Variants in NUP62 observed in about 807,000 individuals in gnomAD.
The protein encoded by NUP62 is nucleoporin 62, also known as nuclear pore glycoprotein p62.
For missense variants in NUP62, 647 were observed against 689.4 expected, an observed-to-expected ratio of 0.94 and a Z score of 0.69; for synonymous variants, 305 against 303.4, an observed-to-expected ratio of 1.01 and a Z score of -0.05.
In NUP62 at chr19:49,913,318, C is replaced by T. The variant is rs1312426966; in HGVS notation, c.-77-3434G>A. Among the ~76,000 whole-genome samples, 4 of 152,338 alleles carry T rather than the reference C, an allele frequency of 2.6e-5. No homozygotes were observed. In the East Asian group the frequency reaches 7.7e-4, roughly 29 times the overall value. ...AAGAGAGAAAATGGCCCTTGACCAGCTCCAGGAGAATCTCTATGTTCTTGA... is the reference window on the plus strand; with the variant it reads ...AAGAGAGAAAATGGCCCTTGACCAGTTCCAGGAGAATCTCTATGTTCTTGA... On this transcript the variant is annotated intron_variant, in intron 2 of 2. Coordinates refer to ENST00000352066, the MANE Select transcript of NUP62 (RefSeq NM_016553.5).
intron 2 of NUP62, chr19:49,913,107 C>CA (rs1324630133): frequency 1.3e-5 from 2 of 152,522 alleles, no homozygotes; most frequent in African/African-American, 4.8e-5. Context: ...GATGCAGCAT[C>CA]AGCCAGGGAA....
In NUP62 at chr19:49,929,237, C is replaced by G. The variant is rs539126383; in HGVS notation, c.-200+89G>C. On this transcript the variant is annotated intron_variant, in intron 1 of 2. Coordinates refer to ENST00000352066, the MANE Select transcript of NUP62 (RefSeq NM_016553.5). The stretch of plus-strand genomic sequence containing the variant: ...GTCCTCGGATCACAGTCTCTTCTCA[C>G]TACAGTGTCGCCGCCTCTGCCTGCG... 1.3e-5 allele frequency: 2 copies of G among 153,746 alleles called. No homozygotes were observed. Among genetic ancestry groups the G allele is most frequent in the Admixed American group, 1.3e-4 (2 of 15,304 alleles). 9.5% of individuals were successfully genotyped at this position (153,746 alleles called of 1,614,324 possible).
chr19:49,920,485 T>C (rs375017302), intron 2 of NUP62, among the ~76,000 whole-genome samples: 9 of 152,124 alleles, frequency 5.9e-5, no homozygotes, highest in African/African-American at 1.9e-4. Flanking sequence ...CACTGATAAA[T>C]GGATATGGAT....
At position 49,909,522 on chromosome 19, in the gene NUP62, T is replaced by G. The variant is rs1235435078; in HGVS notation, c.286A>C (p.Lys96Gln). 6.2e-7 allele frequency: 1 copy of G among 1,614,186 alleles called. No individual in the cohort carries two copies. Among genetic ancestry groups the G allele is most frequent in the Non-Finnish European group, 8.5e-7 (1 of 1,180,024 alleles). ...TGFSLGIGAS[K>Q]LNLSNTAATP... is the part of the protein sequence containing the mutation. ...GCAGCTGTGTTGCTCAAGTTGAGCT[T>G]TGAAGCACCGATCCCCAAAGAAAAT... is the stretch of plus-strand genomic sequence containing the variant. The change falls in exon 3 of 3, where the codon AAG becomes CAG. Residue 96 changes from lysine (K) to glutamine (Q), a missense_variant. Physicochemically the swap from Lys to Gln is moderately conservative, Grantham distance 53. Transcript: ENST00000352066.
rs1311629727 is a variant in NUP62 at position 49,925,903 on chromosome 19, A to C, written c.-78+1791T>G. 2.0e-5 allele frequency among the ~76,000 whole-genome samples: 3 copies of C among 152,288 alleles called. No individual in the cohort carries two copies. The East Asian group carries it at 5.8e-4, about 29-fold the overall frequency. On this transcript the variant is annotated intron_variant, in intron 2 of 2. Coordinates refer to ENST00000352066, the MANE Select transcript of NUP62 (RefSeq NM_016553.5). ...AGTCAATCTACAATTATTCCAAAAT[A>C]AAAAATTTTATTTAAAAAATAACCC... is the stretch of plus-strand genomic sequence containing the variant.
chr19:49,917,797 G>C (rs376574753), intron 2 of NUP62: 1 of 152,272 alleles, frequency 6.6e-6, no homozygotes, highest in South Asian at 2.1e-4. Context: ...CTGGCAGGCC[G>C]AGGTGGGTGG....
chr19:49,916,241 G>A (rs905959411), intron 2 of NUP62, among the ~76,000 whole-genome samples: 2 of 152,188 alleles, frequency 1.3e-5, no homozygotes, highest in African/African-American at 4.8e-5. Flanking sequence ...TTAAGTGTTG[G>A]CCAAGTGTGG....
At chr19:49,914,564 G>A (rs1005043522) in intron 2 of NUP62, among the ~76,000 whole-genome samples, 4 of 152,142 alleles carry the variant, frequency 2.6e-5, no homozygotes, top group South Asian at 4.2e-4. Context: ...CTGGGAACCC[G>A]GAGGAAGACC....
intron 2 of NUP62, among the ~76,000 whole-genome samples, chr19:49,920,529 C>G (rs1172734844): frequency 6.6e-6 from 1 of 152,194 alleles, no homozygotes. Context: ...CTCAACCAAC[C>G]AACCGACCAA....
intron 2 of NUP62, among the ~76,000 whole-genome samples, chr19:49,910,883 G>A (rs1358572339): frequency 6.6e-6 from 1 of 152,170 alleles, no homozygotes; most frequent in Non-Finnish European, 1.5e-5. Context: ...AGGAAAGGGT[G>A]AGAGGGAGTG....
At chr19:49,926,839 C>T (rs2122779931) in intron 2 of NUP62, among the ~76,000 whole-genome samples, 1 of 148,562 alleles carries the variant, frequency 6.7e-6, no homozygotes, top group Middle Eastern at 3.4e-3. Context: ...CTTGTAACAG[C>T]CCTAAGAAGT....
Position 49,914,726 on chromosome 19 carries a change from G to GTTTTGTT in NUP62, c.-77-4843_-77-4842insAACAAAA, listed in dbSNP as rs2075575701. Among the ~76,000 whole-genome samples the GTTTTGTT allele has an allele frequency of 8.9e-5, 5 of 56,404 alleles. 1 individual carries two copies. Among genetic ancestry groups the GTTTTGTT allele is most frequent in the Non-Finnish European group, 9.6e-5 (3 of 31,322 alleles). 37.0% of individuals were successfully genotyped at this position (56,404 alleles called of 152,430 possible). A position where few individuals can be genotyped will look rare whatever the true frequency, so the allele number is the denominator to read the frequency against. ...GATTCTTGTGCCACTCCAAGTCCCA[G>GTTTTGTT]TTTTTTTTTTTTTTTTTTTTTTTTT... On this transcript the variant is annotated intron_variant, in intron 2 of 2. Transcript: ENST00000352066.
rs563118491 is a variant in NUP62, at chr19:49,920,145, T to C, written c.-78+7549A>G. 1.6e-4 allele frequency among the ~76,000 whole-genome samples: 25 copies of C among 152,150 alleles called. 2 individuals are homozygous for C. The South Asian group carries it at 5.0e-3, about 30-fold the overall frequency. On this transcript the variant is annotated intron_variant, in intron 2 of 2. Coordinates refer to ENST00000352066, the MANE Select transcript of NUP62 (RefSeq NM_016553.5). ...GTCATCAGGCTGGAGTGCAGTGGCG[T>C]GATCTCAGCTCATCGCAACCTCTGC...
At position 49,909,473 on chromosome 19, in the gene NUP62, C is replaced by A; in HGVS notation, c.335G>T (p.Ser112Ile). The change falls in exon 3 of 3, where the codon AGC (serine) becomes ATC (isoleucine). Residue 112 changes from serine (S) to isoleucine (I), a missense_variant. Physicochemically the swap from Ser to Ile is moderately radical, Grantham distance 142 (BLOSUM62 -2). Transcript: ENST00000352066. ...TAATPAMANP[S>I]GFGLGSSNLT... is the part of the protein sequence containing the mutation. ...GTTGCTGCTGCCCAGCCCAAAGCCG[C>A]TGGGGTTTGCCATGGCTGGGGTGGC... is the stretch of plus-strand genomic sequence containing the variant. The A allele has an allele frequency of 6.8e-6, 11 of 1,614,138 alleles. No individual in the cohort carries two copies. Among genetic ancestry groups the A allele is most frequent in the Non-Finnish European group, 9.3e-6 (11 of 1,180,032 alleles).
chr19:49,922,888 C>A (rs1228569879), intron 2 of NUP62, among the ~76,000 whole-genome samples: 6 of 152,096 alleles, frequency 3.9e-5, no homozygotes, highest in Non-Finnish European at 5.9e-5. Flanking sequence ...CCGGTCCAGG[C>A]CTCTTCCCAT....
intron 2 of NUP62, among the ~76,000 whole-genome samples, chr19:49,923,600 C>T (rs372068272): frequency 6.6e-6 from 1 of 152,264 alleles, no homozygotes; most frequent in Non-Finnish European, 1.5e-5. Context: ...ATCTCCACAG[C>T]GCTCCCACAC....
At position 49,907,688 on chromosome 19, in the gene NUP62, A is replaced by G. The variant is rs1039719557; in HGVS notation, c.*551T>C. 5 of 352,548 alleles carry G rather than the reference A, an allele frequency of 1.4e-5. No homozygotes were observed. The highest frequency in any genetic ancestry group is 1.1e-4 in the African/African-American group (5 of 45,882). 21.8% of individuals were successfully genotyped at this position (352,548 alleles called of 1,614,324 possible). On this transcript the variant is annotated 3_prime_UTR_variant, in exon 3 of 3. Coordinates refer to ENST00000352066, the MANE Select transcript of NUP62 (RefSeq NM_016553.5). ...GCTGAGATTGAGATCACAGGCGTCC[A>G]CCACACCTGACTAATTTTTGTATTT... is the stretch of plus-strand genomic sequence containing the variant.
Position 49,927,822 on chromosome 19 carries a change from CAGAGA to C in NUP62, c.-199-12_-199-8del, listed in dbSNP as rs1168526603. On this transcript the variant is annotated splice_region_variant and splice_polypyrimidine_tract_variant and intron_variant, in intron 1 of 2. Coordinates refer to ENST00000352066, the MANE Select transcript of NUP62 (RefSeq NM_016553.5). ...GATGGGACAAGGTGGGTTTCTGCAA[CAGAGA>C]AAAGACGGACATCCACCTCGGCTGG... is the stretch of plus-strand genomic sequence containing the variant. The C allele has an allele frequency of 1.3e-5, 2 of 152,250 alleles. No homozygotes were observed. The highest frequency in any genetic ancestry group is 4.8e-5 in the African/African-American group (2 of 41,440). The allele number at this position is 152,250 out of a possible 1,614,324, so 9.4% of individuals were successfully genotyped here. A position where few individuals can be genotyped will look rare whatever the true frequency, so the allele number is the denominator to read the frequency against.
chr19:49,919,757 CAG>C (rs1468593422), intron 2 of NUP62, among the ~76,000 whole-genome samples: 2 of 151,774 alleles, frequency 1.3e-5, no homozygotes, highest in Non-Finnish European at 2.9e-5. Context: ...AGGAAACAGC[CAG>C]AGAGAGATTT....
Sources: allele counts gnomAD v4.1 joint callset (sites outside exome capture counted in the v4.1 genomes callset), GRCh38; gene constraint gnomAD v4.1.1; transcripts MANE v1.5; gene names NCBI Gene and HGNC (gene_info 2026-07-23, HGNC 2026-07-21).